NRG3: variants seen among roughly 807,000 people sequenced by gnomAD.
NRG3 encodes pro-neuregulin-3, membrane-bound isoform.
Under a neutral mutation model 66.9 loss-of-function variants are expected in NRG3, and 31 were observed. That is an observed-to-expected ratio of 0.46 (90% CI 0.35 to 0.63). The LOEUF (loss-of-function observed/expected upper bound fraction) is 0.63. NRG3 is among the 20% of genes least tolerant of loss of function. The pLI, the probability that NRG3 is intolerant of heterozygous loss-of-function variation, is 0.00. For synonymous variants in NRG3, 393 were observed against 359.4 expected (o/e 1.09, Z -1.06); for missense variants, 910 against 878.9 (o/e 1.04, Z -0.45).
At chr10:81,989,481 T>G (rs115582943) in intron 1 of NRG3, among the ~76,000 whole-genome samples, 2,170 of 152,248 alleles carry the variant, frequency 0.014, 50 homozygotes, top group African/African-American at 0.049. Flanking sequence ...GATGCAGAGA[T>G]AGAATCAAGG....
chr10:82,829,084 C>T (rs1458428653), intron 3 of NRG3, among the ~76,000 whole-genome samples: 2 of 152,050 alleles, frequency 1.3e-5, no homozygotes, highest in Non-Finnish European at 2.9e-5. Flanking sequence ...GCATATACAC[C>T]TTATATTCCT....
intron 1 of NRG3, among the ~76,000 whole-genome samples, chr10:82,311,302 T>C (rs557516439): frequency 6.6e-6 from 1 of 152,322 alleles, no homozygotes; most frequent in South Asian, 2.1e-4. Context: ...GTCTATACTT[T>C]TATCTAAAAT....
intron 1 of NRG3, among the ~76,000 whole-genome samples, chr10:81,879,591 G>C (rs755343450): frequency 6.6e-6 from 1 of 152,162 alleles, no homozygotes; most frequent in East Asian, 1.9e-4. Context: ...AGATTTGGAA[G>C]GTATATGGTT....
chr10:82,419,957 T>C (rs1338639468), intron 2 of NRG3, among the ~76,000 whole-genome samples: 2 of 152,176 alleles, frequency 1.3e-5, no homozygotes, highest in Non-Finnish European at 2.9e-5. Flanking sequence ...TTGGTCTATA[T>C]TGTTCCTCTA....
intron 2 of NRG3, among the ~76,000 whole-genome samples, chr10:82,657,241 C>T (rs1011258453): frequency 6.6e-6 from 1 of 152,122 alleles, no homozygotes; most frequent in East Asian, 1.9e-4. Context: ...TATCACCTCT[C>T]TCTCTGTTCT....
intron 2 of NRG3, among the ~76,000 whole-genome samples, chr10:82,431,320 G>C (rs12254421): frequency 0.013 from 1,916 of 152,160 alleles, 38 homozygotes; most frequent in African/African-American, 0.044. Context: ...TCCTATGTAT[G>C]CTGGGTTGCT....
At chr10:82,841,944 C>T (rs913084619) in intron 3 of NRG3, among the ~76,000 whole-genome samples, 1 of 152,046 alleles carries the variant, frequency 6.6e-6, no homozygotes, top group Non-Finnish European at 1.5e-5. Flanking sequence ...CTCCATATAG[C>T]CACAGAAAAA....
intron 2 of NRG3, among the ~76,000 whole-genome samples, chr10:82,601,269 C>T (rs1458769134): frequency 6.6e-6 from 1 of 152,158 alleles, no homozygotes; most frequent in Non-Finnish European, 1.5e-5. Context: ...GTGCTGATAT[C>T]TTTTTGGTAA....
At chr10:82,610,112 G>A (rs1012201256) in intron 2 of NRG3, among the ~76,000 whole-genome samples, 3 of 152,210 alleles carry the variant, frequency 2.0e-5, no homozygotes, top group East Asian at 1.9e-4. Flanking sequence ...TCACCCCATC[G>A]AGGGCCCCTG....
chr10:82,442,671 A>G (rs552166643), intron 2 of NRG3, among the ~76,000 whole-genome samples: 1 of 152,206 alleles, frequency 6.6e-6, no homozygotes, highest in African/African-American at 2.4e-5. Flanking sequence ...GGAAAGAAAA[A>G]TAGTCAGAGT....
In NRG3 at chr10:81,981,964, A is replaced by T. The variant is rs116220901; in HGVS notation, c.823+105801A>T. On this transcript the variant is annotated intron_variant, in intron 1 of 8. Coordinates refer to ENST00000372141, the MANE Select transcript of NRG3 (RefSeq NM_001010848.4). ...CACATCCATAATTTCTTTATGGAGT[A>T]ATTGTCCAGCTACATTCTTGGTTTT... 8.3e-3 allele frequency among the ~76,000 whole-genome samples: 1,267 copies of T among 152,274 alleles called. 6 individuals are homozygous for T. Among genetic ancestry groups the T allele is most frequent in the African/African-American group, 0.021 (891 of 41,548 alleles).
intron 2 of NRG3, among the ~76,000 whole-genome samples, chr10:82,443,313 C>G (rs2090542180): frequency 6.6e-6 from 1 of 152,008 alleles, no homozygotes; most frequent in Non-Finnish European, 1.5e-5. Context: ...TGAGTTATCA[C>G]TCATGTAATA....
At chr10:82,336,218 C>T (rs2082377977) in intron 1 of NRG3, among the ~76,000 whole-genome samples, 1 of 151,976 alleles carries the variant, frequency 6.6e-6, no homozygotes, top group African/African-American at 2.4e-5. Flanking sequence ...AAAAAAGTCA[C>T]ACCAGTAGAA....
intron 3 of NRG3, among the ~76,000 whole-genome samples, chr10:82,811,599 C>T (rs1045189912): frequency 9.9e-5 from 15 of 152,166 alleles, no homozygotes; most frequent in African/African-American, 3.6e-4. Context: ...CCAATTTGGG[C>T]TGCACATGCC....
At chr10:82,769,938 A>T (rs2059654294) in intron 3 of NRG3, among the ~76,000 whole-genome samples, 1 of 152,120 alleles carries the variant, frequency 6.6e-6, no homozygotes, top group Non-Finnish European at 1.5e-5. Flanking sequence ...CGTGATGCAG[A>T]CCCAGCCCTC....
chr10:82,132,487 T>TATCATATATATATATCATATATAG, intron 1 of NRG3, among the ~76,000 whole-genome samples: 1 of 92,820 alleles, frequency 1.1e-5, no homozygotes, highest in South Asian at 3.1e-4. Context: ...ATGATATATA[T>TATCATATATATATATCATATATAG]ATATGATATA....
At chr10:82,017,107 C>G (rs1182196664) in intron 1 of NRG3, among the ~76,000 whole-genome samples, 1 of 152,110 alleles carries the variant, frequency 6.6e-6, no homozygotes, top group Non-Finnish European at 1.5e-5. Context: ...ACAACAGGCC[C>G]CGGTGTGTGA....
intron 2 of NRG3, among the ~76,000 whole-genome samples, chr10:82,672,898 C>T (rs1453953831): frequency 2.0e-5 from 3 of 152,124 alleles, no homozygotes; most frequent in Non-Finnish European, 4.4e-5. Flanking sequence ...TACAGGCATG[C>T]ACCACCACAC....
chr10:82,358,642 G>T, intron 1 of NRG3, 97 bp from the exon 2 acceptor site: 3 of 1,545,996 alleles, frequency 1.9e-6, no homozygotes, highest in South Asian at 2.3e-5. Flanking sequence ...CAGAGCCCAT[G>T]AGAAGGCCTC....
Sources: gnomAD v4.1 joint callset for allele counts (sites outside exome capture counted in the v4.1 genomes callset) on GRCh38, gnomAD v4.1.1 for gene constraint, MANE v1.5 for transcripts, NCBI Gene and HGNC (gene_info 2026-07-23, HGNC 2026-07-21) for gene names.